PELI1: variants seen among roughly 807,000 people sequenced by gnomAD.
PELI1 encodes E3 ubiquitin-protein ligase pellino homolog 1.
A neutral mutation model predicts 41.3 loss-of-function variants in PELI1; 15 were observed. The observed-to-expected ratio is 0.36, with a 90% confidence interval of 0.24 to 0.56. The LOEUF (loss-of-function observed/expected upper bound fraction) is 0.56. Among genes scored for constraint, PELI1 ranks in the 20% least tolerant of loss-of-function variants. The pLI, the probability that PELI1 is intolerant of heterozygous loss-of-function variation, is 0.82. For synonymous variants in PELI1, 178 were observed against 180.1 expected (o/e 0.99, Z 0.09); for missense variants, 403 against 525.5 (o/e 0.77, Z 2.28).
intron 1 of PELI1, among the ~76,000 whole-genome samples, chr2:64,131,325 T>C (rs1223890915): frequency 6.6e-6 from 1 of 151,658 alleles, no homozygotes; most frequent in African/African-American, 2.4e-5. Flanking sequence ...TACACACATA[T>C]ATATATACAC....
At chr2:64,112,428 A>G (rs1233062364) in intron 1 of PELI1, among the ~76,000 whole-genome samples, 1 of 151,828 alleles carries the variant, frequency 6.6e-6, no homozygotes. Context: ...TCTATAGCAA[A>G]AGAACAATTT....
chr2:64,139,609 G>A (rs767556660), intron 1 of PELI1, among the ~76,000 whole-genome samples: 6 of 152,144 alleles, frequency 3.9e-5, no homozygotes, highest in African/African-American at 1.2e-4. Context: ...TTCTTAAAAC[G>A]CAATGTATTT....
intron 1 of PELI1, among the ~76,000 whole-genome samples, chr2:64,139,771 G>A (rs1373741344): frequency 6.6e-6 from 1 of 152,096 alleles, no homozygotes; most frequent in African/African-American, 2.4e-5. Context: ...AAAGTCCACC[G>A]CTCACCAACA....
chr2:64,119,713 C>G (rs541034811), intron 1 of PELI1, among the ~76,000 whole-genome samples: 2 of 152,264 alleles, frequency 1.3e-5, no homozygotes, highest in East Asian at 1.9e-4. Context: ...GGCTTAATAT[C>G]AAGTTATAGA....
intron 3 of PELI1, among the ~76,000 whole-genome samples, chr2:64,100,926 C>T (rs563670975): frequency 3.3e-5 from 5 of 152,206 alleles, no homozygotes; most frequent in African/African-American, 1.2e-4. Flanking sequence ...GACGGCATTT[C>T]ACCATGTTGC....
rs368730133 is a variant in PELI1 at position 64,100,010 on chromosome 2, T to A, written c.303+388A>T. ...AGTGGTAGAAAAAGTCATAAATGTA[T>A]GCAGAGTATTTACTGTTTTCTTTTT... On this transcript the variant is annotated intron_variant, in intron 4 of 6. Transcript: ENST00000358912. Among the ~76,000 whole-genome samples, 47 of 152,320 alleles carry A rather than the reference T, an allele frequency of 3.1e-4. No homozygotes were observed. The East Asian group carries it at 6.4e-3, about 21-fold the overall frequency.
intron 1 of PELI1, among the ~76,000 whole-genome samples, chr2:64,113,489 T>C (rs1680891927): frequency 6.6e-6 from 1 of 152,182 alleles, no homozygotes; most frequent in Non-Finnish European, 1.5e-5. Context: ...CCATTAATTC[T>C]ACTCAAGACT....
intron 1 of PELI1, among the ~76,000 whole-genome samples, chr2:64,111,144 TA>T (rs1216219389): frequency 6.6e-6 from 1 of 152,066 alleles, no homozygotes; most frequent in Non-Finnish European, 1.5e-5. Context: ...AGCTAGCCCA[TA>T]AAAGTCTCCT....
chr2:64,131,573 G>C (rs75104892), intron 1 of PELI1, among the ~76,000 whole-genome samples: 1 of 151,676 alleles, frequency 6.6e-6, no homozygotes, highest in East Asian at 1.9e-4. Flanking sequence ...AGGCAGAAAC[G>C]ACAGGATCCT....
intron 1 of PELI1, among the ~76,000 whole-genome samples, chr2:64,130,133 C>T (rs1314715494): frequency 3.9e-5 from 6 of 152,022 alleles, no homozygotes; most frequent in African/African-American, 1.5e-4. Context: ...ACTTTTCCCC[C>T]CAATTTAAAG....
intron 1 of PELI1, among the ~76,000 whole-genome samples, chr2:64,128,191 A>G (rs1219810348): frequency 6.6e-6 from 1 of 152,156 alleles, no homozygotes; most frequent in Non-Finnish European, 1.5e-5. Flanking sequence ...TTGCACCCTG[A>G]TATTTCTAAA....
At chr2:64,099,395 A>G (rs1680350983) in intron 4 of PELI1, among the ~76,000 whole-genome samples, 1 of 152,112 alleles carries the variant, frequency 6.6e-6, no homozygotes, top group Admixed American at 6.6e-5. Context: ...AAATCATCCT[A>G]AAGCTTTGTG....
Position 64,094,453 on chromosome 2 carries a change from G to A in PELI1, c.*249C>T. The A allele has an allele frequency of 2.5e-6, 1 of 401,088 alleles. No individual in the cohort carries two copies. Among genetic ancestry groups the A allele is most frequent in the Non-Finnish European group, 4.5e-6 (1 of 224,326 alleles). The allele number at this position is 401,088 out of a possible 1,614,324, so 24.8% of individuals were successfully genotyped here. ...AAAGGAAGGCATCAAATTAGACTAT[G>A]TCTTTTTCTCCTCAAAATATATTTT... On this transcript the variant is annotated 3_prime_UTR_variant, in exon 7 of 7. Transcript: ENST00000358912.
At chr2:64,112,133 T>C (rs1282325391) in intron 1 of PELI1, among the ~76,000 whole-genome samples, 3 of 152,168 alleles carry the variant, frequency 2.0e-5, no homozygotes, top group Non-Finnish European at 4.4e-5. Context: ...TCAATTTAAA[T>C]TGTATTAAAT....
intron 1 of PELI1, among the ~76,000 whole-genome samples, chr2:64,126,406 C>T (rs931953061): frequency 2.6e-5 from 4 of 152,170 alleles, no homozygotes; most frequent in Admixed American, 2.6e-4. Context: ...TCGTGATCTG[C>T]CTGCCTTGGC....
At chr2:64,100,687 T>A (rs540283114) in intron 3 of PELI1, among the ~76,000 whole-genome samples, 188 bp from the exon 4 acceptor site, 1 of 152,308 alleles carries the variant, frequency 6.6e-6, no homozygotes, top group East Asian at 1.9e-4. Flanking sequence ...AATGGGGTAC[T>A]GAAGAATATT....
rs566864899 is a variant in PELI1 at position 64,095,212 on chromosome 2, T to G, written c.747A>C (p.Ala249=). ...QDGSLIDLCG[A]TLLWRTAEGL... is the part of the protein sequence containing the mutation. ...CTTCTGCAGTACGCCATAACAATGTTGCACCACAGAGGTCAATTAACGAGC... is the reference window on the plus strand; with the variant it reads ...CTTCTGCAGTACGCCATAACAATGTGGCACCACAGAGGTCAATTAACGAGC... The change falls in exon 7 of 7, where the codon GCA becomes GCC. Residue 249 remains alanine (A), a synonymous_variant. Transcript: ENST00000358912. 2 of 1,614,180 alleles carry G rather than the reference T, an allele frequency of 1.2e-6. No homozygotes were observed. The highest frequency in any genetic ancestry group is 1.1e-5 in the South Asian group (1 of 91,088).
At chr2:64,141,770 C>T (rs1681921659) in intron 1 of PELI1, among the ~76,000 whole-genome samples, 1 of 152,180 alleles carries the variant, frequency 6.6e-6, no homozygotes, top group African/African-American at 2.4e-5. Context: ...GACTAACTTC[C>T]TACCCCGTAC....
intron 1 of PELI1, among the ~76,000 whole-genome samples, chr2:64,123,022 A>C (rs1011522319): frequency 1.3e-5 from 2 of 152,206 alleles, no homozygotes; most frequent in African/African-American, 4.8e-5. Flanking sequence ...TGGGACTCCT[A>C]TGTTGGCGTC....
Sources: allele counts gnomAD v4.1 joint callset (sites outside exome capture counted in the v4.1 genomes callset), GRCh38; gene constraint gnomAD v4.1.1; transcripts MANE v1.5; gene names NCBI Gene and HGNC (gene_info 2026-07-23, HGNC 2026-07-21).